PCDHGA4: variants seen among roughly 807,000 people sequenced by gnomAD.
PCDHGA4 encodes protocadherin gamma-A4.
Under a neutral mutation model 54.6 loss-of-function variants are expected in PCDHGA4, and 38 were observed. The ratio of observed to expected loss-of-function variants is 0.70; its 90% CI spans 0.54 to 0.91. PCDHGA4 has a LOEUF of 0.91. Among genes scored for constraint, PCDHGA4 ranks in the 40% least tolerant of loss-of-function variants. The pLI, the probability that PCDHGA4 is intolerant of heterozygous loss-of-function variation, is 0.00. For synonymous variants in PCDHGA4, 511 were observed against 512.9 expected, an observed-to-expected ratio of 1.00 and a Z score of 0.05; for missense variants, 1,298 against 1,220.9, an observed-to-expected ratio of 1.06 and a Z score of -0.94.
In PCDHGA4 at chr5:141,357,302, C is replaced by G; in HGVS notation, c.2195C>G (p.Ser732Cys). Reference sequence around the variant, plus strand: ...CTCGTGGTGGCAGTGGCCGCTGTCTCCTGCGTCTTCCTGGCTTTTGTCACG... The same window carrying G: ...CTCGTGGTGGCAGTGGCCGCTGTCTGCTGCGTCTTCCTGGCTTTTGTCACG... ...LYLVVAVAAV[S>C]CVFLAFVTVL... The change falls in exon 1 of 4, where the codon TCC (serine) becomes TGC (cysteine). Residue 732 changes from serine (S) to cysteine (C), a missense_variant. Ser to Cys is a moderately radical substitution (Grantham distance 112, BLOSUM62 -1). Coordinates refer to ENST00000571252, the MANE Select transcript of PCDHGA4 (RefSeq NM_018917.4). 3.7e-6 allele frequency: 6 copies of G among 1,614,086 alleles called. No individual in the cohort carries two copies. The highest frequency in any genetic ancestry group is 5.1e-6 in the Non-Finnish European group (6 of 1,179,928).
In PCDHGA4 at chr5:141,487,819, C is replaced by A; in HGVS notation, c.2515-6988C>A. 2.3e-6 allele frequency: 3 copies of A among 1,285,528 alleles called. No homozygotes were observed. Among genetic ancestry groups the A allele is most frequent in the Non-Finnish European group, 3.2e-6 (3 of 932,998 alleles). 79.6% of individuals were successfully genotyped at this position (1,285,528 alleles called of 1,614,324 possible). On this transcript the variant is annotated intron_variant, in intron 1 of 3. Transcript: ENST00000571252. This position sits in a 1 kb window ranked among gnomAD's most constrained non-coding sequence, Gnocchi z 5.0. ...AGTTGTCACAGTTTAGCATTGGGGG[C>A]GGGTCATGCCTATATCTGAGTAAGA...
chr5:141,505,528 C>T (rs746609783), intron 3 of PCDHGA4, 47 bp downstream of exon 3: 4 of 1,612,320 alleles, frequency 2.5e-6, no homozygotes, highest in Non-Finnish European at 3.4e-6. Context: ...ACCTGGGGTT[C>T]TGGGGTGCAT....
chr5:141,390,538 C>CA, intron 1 of PCDHGA4: 3 of 518,310 alleles, frequency 5.8e-6, no homozygotes, highest in Non-Finnish European at 1.0e-5. Flanking sequence ...GTTTTAACCA[C>CA]AAAGTGAAAG....
chr5:141,491,641 C>T lies in PCDHGA4; in HGVS notation c.2515-3166C>T. Reference sequence around the variant, plus strand: ...CCTCAGCGTTCAGCAGCCCACAGCTCTGGCGCTGGAGCCTGACGCCATCCG... The same window carrying T: ...CCTCAGCGTTCAGCAGCCCACAGCTTTGGCGCTGGAGCCTGACGCCATCCG... On this transcript the variant is annotated intron_variant, in intron 1 of 3. Coordinates refer to ENST00000571252, the MANE Select transcript of PCDHGA4 (RefSeq NM_018917.4). The surrounding 1 kb of genome is among the most constrained non-coding windows in gnomAD (Gnocchi z 6.9). The T allele has an allele frequency of 6.2e-7, 1 of 1,613,896 alleles. No homozygotes were observed. Among genetic ancestry groups the T allele is most frequent in the Non-Finnish European group, 8.5e-7 (1 of 1,180,018 alleles).
At chr5:141,388,972 A>G in intron 1 of PCDHGA4, 1 of 1,614,008 alleles carries the variant, frequency 6.2e-7, no homozygotes, top group Non-Finnish European at 8.5e-7. Context: ...CTGGGAACAC[A>G]TATTGCTTTG....
chr5:141,373,266 C>T (rs894393733), intron 1 of PCDHGA4, among the ~76,000 whole-genome samples: 1 of 152,300 alleles, frequency 6.6e-6, no homozygotes, highest in Non-Finnish European at 1.5e-5. Context: ...TAAAAGTATA[C>T]ACAGATGTTG....
chr5:141,415,197 A>G, intron 1 of PCDHGA4: 1 of 1,614,016 alleles, frequency 6.2e-7, no homozygotes, highest in African/African-American at 1.3e-5. Context: ...GCATCCCCCA[A>G]GTCCTGGCGG....
chr5:141,412,942 A>G, intron 1 of PCDHGA4: 1 of 465,476 alleles, frequency 2.1e-6, no homozygotes, highest in Non-Finnish European at 3.8e-6. Flanking sequence ...TAGGACTCTG[A>G]GCGCCGCTGT....
intron 1 of PCDHGA4, chr5:141,427,833 G>T (rs1345567011): frequency 6.5e-7 from 1 of 1,540,964 alleles, no homozygotes; most frequent in Non-Finnish European, 8.9e-7. Flanking sequence ...CGCGCAGCGT[G>T]CCTTCGACCA....
intron 1 of PCDHGA4, chr5:141,408,915 A>T (rs2095192273): frequency 1.2e-6 from 2 of 1,613,004 alleles, no homozygotes; most frequent in South Asian, 2.2e-5. Context: ...ACCAATGATA[A>T]CCCCCCGGTT....
chr5:141,365,177 AAT>A, intron 1 of PCDHGA4: 2 of 1,613,884 alleles, frequency 1.2e-6, no homozygotes, highest in Non-Finnish European at 1.7e-6. Flanking sequence ...CTCTTTTCGC[AAT>A]GAAGAAGAAA....
chr5:141,398,643 C>G, intron 1 of PCDHGA4: 2 of 1,614,024 alleles, frequency 1.2e-6, no homozygotes, highest in Non-Finnish European at 1.7e-6. Context: ...AGTATAAACT[C>G]TCTCTTAACC....
At position 141,408,870 on chromosome 5, in the gene PCDHGA4, G is replaced by C. The variant is rs780987841; in HGVS notation, c.2514+51249G>C. ...TTGGACGGAGGGGACCCACCAAGAAGTGCCACCGCTCACATAGAAATTTCT... is the reference window on the plus strand; with the variant it reads ...TTGGACGGAGGGGACCCACCAAGAACTGCCACCGCTCACATAGAAATTTCT... On this transcript the variant is annotated intron_variant, in intron 1 of 3. Coordinates refer to ENST00000571252, the MANE Select transcript of PCDHGA4 (RefSeq NM_018917.4). The C allele has an allele frequency of 1.2e-6, 2 of 1,613,656 alleles. No homozygotes were observed. Among genetic ancestry groups the C allele is most frequent in the South Asian group, 1.1e-5 (1 of 91,026 alleles).
At position 141,372,017 on chromosome 5, in the gene PCDHGA4, G is replaced by A. The variant is rs1404745183; in HGVS notation, c.2514+14396G>A. Reference sequence around the variant, plus strand: ...AGGCCCGCGACCAGGGCTCGCCTACGCTCAGCGCCAACGTGAGCCTGCGCG... The same window carrying A: ...AGGCCCGCGACCAGGGCTCGCCTACACTCAGCGCCAACGTGAGCCTGCGCG... On this transcript the variant is annotated intron_variant, in intron 1 of 3. Coordinates refer to ENST00000571252, the MANE Select transcript of PCDHGA4 (RefSeq NM_018917.4). The A allele has an allele frequency of 4.3e-6, 7 of 1,613,220 alleles. No homozygotes were observed. The African/African-American group carries it at 9.3e-5, about 22-fold the overall frequency.
chr5:141,375,403 A>G, intron 1 of PCDHGA4: 2 of 1,613,908 alleles, frequency 1.2e-6, no homozygotes, highest in Non-Finnish European at 1.7e-6. Flanking sequence ...TCATCTCTCT[A>G]AATGTGGCAG....
intron 1 of PCDHGA4, chr5:141,374,138 C>A: frequency 6.2e-7 from 1 of 1,608,824 alleles, no homozygotes. Context: ...GCTCCTCACG[C>A]TCCTGGGGAC....
chr5:141,479,466 C>G (rs1004384273), intron 1 of PCDHGA4: 1 of 152,224 alleles, frequency 6.6e-6, no homozygotes, highest in Non-Finnish European at 1.5e-5. Flanking sequence ...AATACAGTGA[C>G]CTCTTGGGAG....
chr5:141,497,406 C>T lies in PCDHGA4; in HGVS notation c.2573+2541C>T, dbSNP rs892691245. 1.2e-4 allele frequency among the ~76,000 whole-genome samples: 19 copies of T among 152,174 alleles called. No individual in the cohort carries two copies. The East Asian group carries it at 1.5e-3, about 12-fold the overall frequency. ...AGCACCTTACCCCTGCCTCAACTCC[C>T]ATTCCATCAAATGAGAGGCTTAGTG... On this transcript the variant is annotated intron_variant, in intron 2 of 3. Transcript: ENST00000571252.
At chr5:141,428,020 C>T (rs1443722620) in intron 1 of PCDHGA4, 1 of 1,605,408 alleles carries the variant, frequency 6.2e-7, no homozygotes, top group Admixed American at 1.7e-5. Context: ...GTGCCACGCG[C>T]CGCAGAGTCC....
Sources: gnomAD v4.1 joint callset for allele counts (sites outside exome capture counted in the v4.1 genomes callset) on GRCh38, gnomAD v4.1.1 for gene constraint, Gnocchi (gnomAD v3.1) non-coding constraint, MANE v1.5 for transcripts, NCBI Gene and HGNC (gene_info 2026-07-23, HGNC 2026-07-21) for gene names.